The following MILR1 variants were observed in gnomAD, a reference collection of about 807,000 sequenced individuals.
The protein encoded by MILR1 is allergin-1.
Under a neutral mutation model 18.5 loss-of-function variants are expected in MILR1, and 31 were observed. That is an observed-to-expected ratio of 1.68 (90% confidence interval 1.26 to 2.26). MILR1 has a LOEUF of 2.26. Ranked by LOEUF, MILR1 falls within the 30% of genes most tolerant of loss-of-function variation. MILR1 has a pLI of 0.00. For missense variants in MILR1, 257 were observed against 157.4 expected (o/e 1.63, Z -3.38); for synonymous variants, 85 against 56.2 (o/e 1.51, Z -2.30).
At chr17:64,493,673 A>G in the MILR1 span, among the ~76,000 whole-genome samples, 1 of 151,914 alleles carries the variant, frequency 6.6e-6, no homozygotes, top group Non-Finnish European at 1.5e-5. Flanking sequence ...TTTTTAGTAG[A>G]GACGGGGTTT....
chr17:64,463,322 C>T (rs1402524110), intron 5 of MILR1, among the ~76,000 whole-genome samples: 5 of 152,018 alleles, frequency 3.3e-5, no homozygotes, highest in Non-Finnish European at 7.4e-5. Context: ...TACTGCTTTT[C>T]ATTCCTCACG....
chr17:64,470,534 A>G (rs1555664388), downstream of MILR1, among the ~76,000 whole-genome samples: 1 of 152,208 alleles, frequency 6.6e-6, no homozygotes, highest in African/African-American at 2.4e-5. Context: ...GTCTTCTAAT[A>G]AGAGGGGCTG....
At chr17:64,476,397 A>C in the MILR1 span, among the ~76,000 whole-genome samples, 98 of 152,254 alleles carry the variant, frequency 6.4e-4, no homozygotes, top group African/African-American at 2.2e-3. Context: ...ATATTCAAGG[A>C]GGCCAGGTGA....
the MILR1 span, chr17:64,477,838 T>A: frequency 6.3e-7 from 1 of 1,595,604 alleles, no homozygotes; most frequent in Non-Finnish European, 8.5e-7. Flanking sequence ...CATTCTTAGC[T>A]GATGATATAT....
chr17:64,463,506 T>G (rs2037477690), intron 5 of MILR1, among the ~76,000 whole-genome samples: 1 of 152,160 alleles, frequency 6.6e-6, no homozygotes. Flanking sequence ...GCCTCAGTGT[T>G]CTGAGTTGTG....
intron 8 of MILR1, among the ~76,000 whole-genome samples, chr17:64,466,953 C>T (rs1381739729): frequency 6.6e-6 from 1 of 151,802 alleles, no homozygotes; most frequent in Non-Finnish European, 1.5e-5. Flanking sequence ...CCTTCCCTCT[C>T]TCCCTCCCTC....
chr17:64,475,233 C>T, the MILR1 span, among the ~76,000 whole-genome samples: 12 of 151,648 alleles, frequency 7.9e-5, no homozygotes, highest in African/African-American at 2.9e-4. Context: ...TCCCATTGGC[C>T]AAAGATGGGA....
At chr17:64,481,698 C>A in the MILR1 span, among the ~76,000 whole-genome samples, 1 of 151,924 alleles carries the variant, frequency 6.6e-6, no homozygotes, top group Non-Finnish European at 1.5e-5. Flanking sequence ...CATGGTGAAA[C>A]CCTGTCTCTA....
chr17:64,453,785 C>A (rs1299619062), intron 3 of MILR1, among the ~76,000 whole-genome samples: 2 of 152,084 alleles, frequency 1.3e-5, no homozygotes, highest in Non-Finnish European at 2.9e-5. Context: ...GGAGAGAAGG[C>A]TTCTAGGTAA....
downstream of MILR1, among the ~76,000 whole-genome samples, chr17:64,469,746 G>A (rs186316376): frequency 9.2e-5 from 14 of 152,188 alleles, no homozygotes; most frequent in African/African-American, 3.1e-4. Flanking sequence ...ACCTCAGCAC[G>A]CTCAGACCCA....
rs374309672 is a variant in MILR1, at chr17:64,466,784, T to C, written c.979+122T>C. The C allele has an allele frequency of 5.0e-4, 393 of 785,706 alleles. 3 individuals carry two copies. In the South Asian group the frequency reaches 6.6e-3, roughly 13 times the overall value. The allele number at this position is 785,706 out of a possible 1,614,324, so 48.7% of individuals were successfully genotyped here. Reference sequence around the variant, plus strand: ...GTGGATGGGAGCAATGCAGGCACACTGCAAGGAACCAATGGCAACCAGCAC... The same window carrying C: ...GTGGATGGGAGCAATGCAGGCACACCGCAAGGAACCAATGGCAACCAGCAC... On this transcript the variant is annotated intron_variant, in intron 8 of 9. Transcript: ENST00000619286.
chr17:64,450,912 G>A (rs891111727), intron 2 of MILR1, among the ~76,000 whole-genome samples: 6 of 152,120 alleles, frequency 3.9e-5, no homozygotes, highest in Non-Finnish European at 7.4e-5. Flanking sequence ...TGTACACAAC[G>A]TCCTTTGTGG....
At chr17:64,497,094 G>C in the MILR1 span, 3 of 982,814 alleles carry the variant, frequency 3.1e-6, no homozygotes, top group Non-Finnish European at 4.7e-6. Context: ...GCTTGCGGGC[G>C]GCAGGCCCCA....
chr17:64,496,629 A>T, the MILR1 span: 4 of 1,613,896 alleles, frequency 2.5e-6, no homozygotes, highest in Non-Finnish European at 3.4e-6. Flanking sequence ...GAGGTCCACC[A>T]TTCTGCGGCC....
chr17:64,492,448 G>A, the MILR1 span, among the ~76,000 whole-genome samples: 5 of 152,262 alleles, frequency 3.3e-5, no homozygotes, highest in East Asian at 7.7e-4. Flanking sequence ...TACACAGAAA[G>A]GCTAATTAAC....
At chr17:64,473,576 A>G (rs2037724859), downstream of MILR1, among the ~76,000 whole-genome samples, 1 of 152,174 alleles carries the variant, frequency 6.6e-6, no homozygotes, top group Admixed American at 6.5e-5. Flanking sequence ...CTGCAGTAGC[A>G]CAGAAACTTA....
chr17:64,469,976 T>TG, downstream of MILR1, among the ~76,000 whole-genome samples: 1 of 152,172 alleles, frequency 6.6e-6, no homozygotes, highest in Middle Eastern at 3.4e-3. Context: ...TCCTGGGGGA[T>TG]GGGGGCAGGG....
At chr17:64,496,908 A>T in the MILR1 span, 6 of 1,612,060 alleles carry the variant, frequency 3.7e-6, no homozygotes, top group Non-Finnish European at 4.2e-6. Context: ...CGACCCCCAA[A>T]CCCAGACAAC....
rs2037567899 is a variant in MILR1 at position 64,466,598 on chromosome 17, C to T, written c.915C>T (p.Ala305=). ...RPCVSTAQDE[A]KHSQELQYAT... is the part of the protein sequence containing the mutation. Reference sequence around the variant, plus strand: ...TATTCCTTATCTTTTGCCCAGAGGCCAAACACTCCCAGGAGCTACAGTATG... The same window carrying T: ...TATTCCTTATCTTTTGCCCAGAGGCTAAACACTCCCAGGAGCTACAGTATG... The change falls in exon 8 of 10, where the codon GCC becomes GCT. Residue 305 remains alanine (A), a synonymous_variant. Coordinates refer to ENST00000619286, the MANE Select transcript of MILR1 (RefSeq NM_001085423.2). 2 of 1,611,286 alleles carry T rather than the reference C, an allele frequency of 1.2e-6. No homozygotes were observed. The highest frequency in any genetic ancestry group is 1.7e-5 in the Admixed American group (1 of 59,526).
Sources: allele counts gnomAD v4.1 joint callset (sites outside exome capture counted in the v4.1 genomes callset), GRCh38; gene constraint gnomAD v4.1.1; transcripts MANE v1.5; gene names NCBI Gene and HGNC (gene_info 2026-07-23, HGNC 2026-07-21).